The following HEATR5B variants were observed in gnomAD, a reference collection of about 807,000 sequenced individuals.
HEATR5B encodes HEAT repeat-containing protein 5B.
HEATR5B carries 156 observed loss-of-function variants against 224.1 expected under a neutral mutation model. The ratio of observed to expected loss-of-function variants is 0.70; its 90% CI spans 0.61 to 0.80. The LOEUF (loss-of-function observed/expected upper bound fraction) is 0.80. Among genes scored for constraint, HEATR5B ranks in the 30% least tolerant of loss-of-function variants. HEATR5B has a pLI of 0.00. For synonymous variants in HEATR5B, 1,027 were observed against 893.0 expected (o/e 1.15, Z -2.68); for missense variants, 2,323 against 2,535.5 (o/e 0.92, Z 1.80).
chr2:37,059,768 T>C (rs1025656482), intron 12 of HEATR5B, among the ~76,000 whole-genome samples: 1 of 152,072 alleles, frequency 6.6e-6, no homozygotes, highest in Non-Finnish European at 1.5e-5. Flanking sequence ...CCACTACATA[T>C]ATTTTTGCAT....
intron 22 of HEATR5B, among the ~76,000 whole-genome samples, chr2:37,031,758 T>C (rs1669148202): frequency 6.6e-6 from 1 of 152,210 alleles, no homozygotes; most frequent in Non-Finnish European, 1.5e-5. Flanking sequence ...TGCTTCTTTG[T>C]ATCCAAGCAG....
At chr2:37,020,634 T>C in intron 25 of HEATR5B, 21 bp downstream of exon 25, 1 of 1,499,134 alleles carries the variant, frequency 6.7e-7, no homozygotes, top group African/African-American at 1.4e-5. Context: ...TTTAAGTTCT[T>C]AAATAAATAG....
chr2:36,992,768 G>A (rs892151590), intron 33 of HEATR5B, among the ~76,000 whole-genome samples: 1 of 151,540 alleles, frequency 6.6e-6, no homozygotes, highest in Non-Finnish European at 1.5e-5. Flanking sequence ...CCCCAAGGAA[G>A]AGCTGGAGTG....
At chr2:37,042,790 G>T (rs940298934) in intron 18 of HEATR5B, among the ~76,000 whole-genome samples, 1 of 151,680 alleles carries the variant, frequency 6.6e-6, no homozygotes, top group South Asian at 2.1e-4. Context: ...TACTCCGGAG[G>T]CTGAGGCAGG....
chr2:37,008,300 G>C (rs573174205), intron 28 of HEATR5B: 6 of 384,788 alleles, frequency 1.6e-5, no homozygotes, highest in African/African-American at 1.2e-4. Context: ...ACATTGAACA[G>C]TACAGCAATA....
chr2:37,024,664 A>T (rs910008803), intron 24 of HEATR5B, among the ~76,000 whole-genome samples: 1 of 152,240 alleles, frequency 6.6e-6, no homozygotes, highest in African/African-American at 2.4e-5. Flanking sequence ...TTCCCAAGGC[A>T]GTACAAAGTA....
chr2:37,027,952 G>C lies in HEATR5B; in HGVS notation c.3824C>G (p.Ala1275Gly). Residue 1275 changes from alanine (A) to glycine (G), a missense_variant, in exon 24 of 36, where the codon GCA (alanine) becomes GGA (glycine). Transcript: ENST00000233099. ...ADQAHFDLALARSAKLRNPTN... is the reference protein window; with the variant it reads ...ADQAHFDLALGRSAKLRNPTN... ...AGGGTTTCGAAGTTTAGCAGAACGT[G>C]CCAAGGCAAGATCAAAGTGAGCCTG... is the stretch of plus-strand genomic sequence containing the variant. The C allele has an allele frequency of 6.2e-7, 1 of 1,614,154 alleles. No individual in the cohort carries two copies. Among genetic ancestry groups the C allele is most frequent in the Non-Finnish European group, 8.5e-7 (1 of 1,179,994 alleles).
chr2:36,981,830 A>C, intron 35 of HEATR5B, 36 bp from the exon 36 acceptor site: 5 of 1,470,658 alleles, frequency 3.4e-6, no homozygotes, highest in Non-Finnish European at 4.6e-6. Flanking sequence ...GATCACAAAC[A>C]TAAGGATTAT....
intron 18 of HEATR5B, among the ~76,000 whole-genome samples, chr2:37,042,785 C>T (rs763229174): frequency 1.7e-4 from 25 of 150,794 alleles, no homozygotes; most frequent in Non-Finnish European, 2.7e-4. Flanking sequence ...CCAGCTACTC[C>T]GGAGGCTGAG....
chr2:36,999,606 G>C (rs375271025), intron 33 of HEATR5B, among the ~76,000 whole-genome samples: 6 of 152,098 alleles, frequency 3.9e-5, no homozygotes, highest in South Asian at 2.1e-4. Context: ...TTGAATCTGG[G>C]AGGCAAAGGT....
chr2:37,083,404 G>A lies in HEATR5B; in HGVS notation c.11C>T (p.Ala4Val). ...TTCTTCATTTAGCAATAAACTGTGG[G>A]CTAACTCCATTACGGAAGTTTGAAA... The part of the protein sequence containing the change: MEL[A>V]HSLLLNEEAL... Residue 4 changes from alanine (A) to valine (V), a missense_variant, in exon 2 of 36, where the codon GCC becomes GTC. By Grantham distance (64) the Ala-to-Val change is moderately conservative. This residue lies in a region of HEATR5B where 292 missense variants were observed against 332.6 expected (regional missense o/e 0.88). Coordinates refer to ENST00000233099, the MANE Select transcript of HEATR5B (RefSeq NM_019024.3). 1 of 1,612,986 alleles carries A rather than the reference G, an allele frequency of 6.2e-7. No individual in the cohort carries two copies. Among genetic ancestry groups the A allele is most frequent in the Non-Finnish European group, 8.5e-7 (1 of 1,179,412 alleles).
At chr2:37,003,260 C>CAAA (rs757178937) in intron 31 of HEATR5B, among the ~76,000 whole-genome samples, 10 of 56,866 alleles carry the variant, frequency 1.8e-4, no homozygotes, top group East Asian at 1.1e-3. Context: ...GTCCCGCCCG[C>CAAA]AAAAAAAAAA....
intron 7 of HEATR5B, 41 bp downstream of exon 7, chr2:37,070,189 C>A: frequency 6.2e-7 from 1 of 1,605,474 alleles, no homozygotes. Context: ...CGTGAGCCAC[C>A]GTGCCTGGCC....
intron 10 of HEATR5B, among the ~76,000 whole-genome samples, chr2:37,064,440 C>A (rs1001927499): frequency 1.3e-5 from 2 of 151,764 alleles, no homozygotes; most frequent in African/African-American, 4.8e-5. Flanking sequence ...AGTTGGCTAA[C>A]TTTTTTTATT....
At chr2:36,994,953 T>C (rs1365739560) in intron 33 of HEATR5B, among the ~76,000 whole-genome samples, 3 of 152,080 alleles carry the variant, frequency 2.0e-5, no homozygotes, top group Non-Finnish European at 2.9e-5. Context: ...GGTTTCACCA[T>C]GTTAGCTAGG....
chr2:37,037,043 T>C (rs1023160313), intron 21 of HEATR5B, among the ~76,000 whole-genome samples: 2 of 150,538 alleles, frequency 1.3e-5, no homozygotes, highest in African/African-American at 4.9e-5. Flanking sequence ...AATAAGTATC[T>C]GATGAATGAA....
intron 14 of HEATR5B, 28 bp from the exon 15 acceptor site, chr2:37,057,508 A>G: frequency 5.3e-6 from 8 of 1,518,510 alleles, no homozygotes; most frequent in Non-Finnish European, 7.1e-6. Context: ...AGATCAGATT[A>G]AAAAGAATAA....
At position 37,002,344 on chromosome 2, in the gene HEATR5B, G is replaced by A. The variant is rs372440454; in HGVS notation, c.5279C>T (p.Thr1760Ile). The A allele has an allele frequency of 3.7e-6, 6 of 1,614,124 alleles. No homozygotes were observed. In the Admixed American group the frequency reaches 5.0e-5, roughly 13 times the overall value. The change falls in exon 32 of 36, where the codon ACC becomes ATC. Residue 1760 changes from threonine to isoleucine, a missense_variant. Transcript: ENST00000233099. ...ESARLVAATV[T>I]ILSDLPSLCS... ...AAGGGATGGTAAATCAGAGAGTATG[G>A]TAACTGTGGCTGCCACCAAACGAGC...
chr2:37,033,248 A>C (rs532323802), intron 21 of HEATR5B, among the ~76,000 whole-genome samples: 4 of 152,332 alleles, frequency 2.6e-5, no homozygotes, highest in Non-Finnish European at 4.4e-5. Flanking sequence ...TGTTTAAAAT[A>C]CAGTCAAATG....
Sources: gnomAD v4.1 joint callset for allele counts (sites outside exome capture counted in the v4.1 genomes callset) on GRCh38, gnomAD v4.1.1 for gene constraint, gnomAD v4.1.1 regional missense constraint, MANE v1.5 for transcripts, NCBI Gene and HGNC (gene_info 2026-07-23, HGNC 2026-07-21) for gene names.